KLC1: variants seen among roughly 807,000 people sequenced by gnomAD.
The protein encoded by KLC1 is kinesin light chain 1, also known as kinesin 2 60/70kDa.
Under a neutral mutation model 84.2 loss-of-function variants are expected in KLC1, and 30 were observed. The ratio of observed to expected loss-of-function variants is 0.36; its 90% CI spans 0.27 to 0.48. The LOEUF (loss-of-function observed/expected upper bound fraction) is 0.48, where lower values mean the gene tolerates loss of function less well. Ranked by LOEUF, KLC1 falls within the 20% of genes least tolerant of loss-of-function variation. KLC1 has a pLI of 0.99. For synonymous variants in KLC1, 289 were observed against 293.3 expected, an observed-to-expected ratio of 0.99 and a Z score of 0.15; for missense variants, 499 against 805.4, an observed-to-expected ratio of 0.62 and a Z score of 4.60.
In KLC1 at chr14:103,693,247, A is replaced by G. The variant is rs544382515; in HGVS notation, c.1848+822A>G. Among the ~76,000 whole-genome samples the G allele has an allele frequency of 4.8e-4, 73 of 151,644 alleles. No homozygotes were observed. The highest frequency in any genetic ancestry group is 1.5e-3 in the African/African-American group (64 of 41,332). On this transcript the variant is annotated intron_variant, in intron 15 of 16. Transcript: ENST00000334553. This position sits in a 1 kb window ranked among gnomAD's most constrained non-coding sequence, Gnocchi z 5.1. ...ACTCTTGGGAGGCAGCCATCTCGGG[A>G]AAGCTTTTCCCCAGCCCCCTTCTCG...
chr14:103,629,656 G>A (rs527964425), intron 1 of KLC1, among the ~76,000 whole-genome samples, 162 bp downstream of exon 1: 1 of 131,462 alleles, frequency 7.6e-6, no homozygotes, highest in South Asian at 2.7e-4. Flanking sequence ...CCCGGTACCC[G>A]CCCCAGTTCA....
At chr14:103,698,526 C>G (rs1312892730) in intron 15 of KLC1, 1 of 515,020 alleles carries the variant, frequency 1.9e-6, no homozygotes. Context: ...TGAGAATCAC[C>G]TCTCCCCAAG....
intron 3 of KLC1, among the ~76,000 whole-genome samples, chr14:103,658,753 G>T (rs896772940): frequency 1.9e-4 from 28 of 150,356 alleles, no homozygotes; most frequent in Non-Finnish European, 3.0e-5. Flanking sequence ...CACCTCCCGG[G>T]CTCCAGCGAT....
intron 9 of KLC1, among the ~76,000 whole-genome samples, chr14:103,675,231 A>G (rs1231456195): frequency 1.3e-5 from 2 of 152,158 alleles, no homozygotes; most frequent in African/African-American, 4.8e-5. Context: ...AGGCTGAGGC[A>G]GGAGAGTCAC....
intron 5 of KLC1, among the ~76,000 whole-genome samples, chr14:103,669,209 G>T (rs1161041501): frequency 6.6e-6 from 1 of 151,870 alleles, no homozygotes; most frequent in East Asian, 1.9e-4. Context: ...GGCCTAGGCG[G>T]GTGGATCATG....
chr14:103,673,493 A>G (rs1258139745), intron 9 of KLC1, 62 bp downstream of exon 9: 1 of 985,890 alleles, frequency 1.0e-6, no homozygotes, highest in African/African-American at 1.7e-5. Context: ...TAATAGTAAT[A>G]TACTAATAGT....
At chr14:103,696,091 C>CGGGGGGGGGGGGGGGGGGGGGGGGGGGG in intron 15 of KLC1, 1 of 744,682 alleles carries the variant, frequency 1.3e-6, no homozygotes, top group Non-Finnish European at 1.5e-6. Context: ...ATAATCACTG[C>CGGGGGGGGGGGGGGGGGGGGGGGGGGGG]GCCCCCGCCC....
rs892707788 is a variant in KLC1 at position 103,701,332 on chromosome 14, T to C, written c.*133T>C. ...CTCACTCATTTCTCCTGCGTCTGTGTGCATAGGACATGATACTAATAACCA... is the reference window on the plus strand; with the variant it reads ...CTCACTCATTTCTCCTGCGTCTGTGCGCATAGGACATGATACTAATAACCA... On this transcript the variant is annotated 3_prime_UTR_variant, in exon 17 of 17. Transcript: ENST00000334553. The C allele has an allele frequency of 1.6e-5, 16 of 973,180 alleles. No individual in the cohort carries two copies. Among genetic ancestry groups the C allele is most frequent in the Non-Finnish European group, 2.2e-5 (14 of 650,616 alleles). 60.3% of individuals were successfully genotyped at this position (973,180 alleles called of 1,614,324 possible). A position where few individuals can be genotyped will look rare whatever the true frequency, so the allele number is the denominator to read the frequency against.
intron 3 of KLC1, among the ~76,000 whole-genome samples, chr14:103,659,123 G>T (rs1160571241): frequency 1.3e-5 from 2 of 151,832 alleles, no homozygotes; most frequent in African/African-American, 4.8e-5. Context: ...GATTACAGGT[G>T]CGTACCGCCA....
At chr14:103,661,309 T>TA (rs1352063685) in intron 3 of KLC1, among the ~76,000 whole-genome samples, 18 of 152,190 alleles carry the variant, frequency 1.2e-4, no homozygotes, top group Non-Finnish European at 2.6e-4. Flanking sequence ...CATGTGGCCG[T>TA]CACATCTGTT....
chr14:103,686,047 A>C (rs1420041036), intron 13 of KLC1: 6 of 1,032,614 alleles, frequency 5.8e-6, no homozygotes, highest in South Asian at 3.5e-5. Flanking sequence ...GCTCCGTGGT[A>C]CTTAGAGCCC....
chr14:103,664,453 A>G (rs1037543633), intron 5 of KLC1, among the ~76,000 whole-genome samples: 2 of 152,050 alleles, frequency 1.3e-5, no homozygotes, highest in East Asian at 1.9e-4. Context: ...TGCCTGGCCA[A>G]TTGTTTGCAT....
chr14:103,692,387 C>T lies in KLC1; in HGVS notation c.1810C>T (p.Leu604Phe), dbSNP rs2082172364. Reference sequence around the variant, plus strand: ...GAAGCGTGCCAGCTCTCTGAATGTCCTTAACGTGGGTGGCAAGGCTGCTGA... The same window carrying T: ...GAAGCGTGCCAGCTCTCTGAATGTCTTTAACGTGGGTGGCAAGGCTGCTGA... ...GMKRASSLNV[L>F]NVGGKAAEDR... The change falls in exon 15 of 17, where the codon CTT becomes TTT. Residue 604 changes from leucine to phenylalanine, a missense_variant. By Grantham distance (22) the Leu-to-Phe change is conservative (BLOSUM62 0). Around this residue, in one of 3 missense-constraint regions of KLC1, gnomAD observed 167 missense variants for 208.8 expected, o/e 0.80. Transcript: ENST00000334553. 1 of 1,536,688 alleles carries T rather than the reference C, an allele frequency of 6.5e-7. No individual in the cohort carries two copies.
At chr14:103,677,602 A>C in intron 12 of KLC1, 79 bp downstream of exon 12, 1 of 818,062 alleles carries the variant, frequency 1.2e-6, no homozygotes, top group Non-Finnish European at 2.1e-6. Context: ...TTTTATTGAA[A>C]GCTTGATTTA....
At chr14:103,631,274 G>A (rs1411555745) in intron 1 of KLC1, among the ~76,000 whole-genome samples, 1 of 152,088 alleles carries the variant, frequency 6.6e-6, no homozygotes, top group Non-Finnish European at 1.5e-5. Context: ...TAGAGATGGG[G>A]TTTCAACATG....
chr14:103,640,175 C>T (rs2077374731), intron 1 of KLC1, among the ~76,000 whole-genome samples: 1 of 152,168 alleles, frequency 6.6e-6, no homozygotes, highest in Admixed American at 6.6e-5. Context: ...ATTCTACTGC[C>T]TCACCCTCCC....
intron 3 of KLC1, among the ~76,000 whole-genome samples, chr14:103,660,893 T>A (rs929127666): frequency 6.6e-6 from 1 of 152,208 alleles, no homozygotes; most frequent in African/African-American, 2.4e-5. Context: ...ATGCCAGCAG[T>A]GATTGACCTG....
chr14:103,637,390 C>T (rs945292115), intron 1 of KLC1, among the ~76,000 whole-genome samples: 1 of 151,784 alleles, frequency 6.6e-6, no homozygotes, highest in Non-Finnish European at 1.5e-5. Flanking sequence ...ATTCGCCAGG[C>T]GTGGTGGTGT....
chr14:103,698,965 G>C, intron 15 of KLC1: 3 of 1,600,814 alleles, frequency 1.9e-6, no homozygotes, highest in Non-Finnish European at 2.6e-6. Flanking sequence ...CTCACCAGGA[G>C]CTGGTTAGCC....
Sources: gnomAD v4.1 joint callset for allele counts (sites outside exome capture counted in the v4.1 genomes callset) on GRCh38, gnomAD v4.1.1 for gene constraint, gnomAD v4.1.1 regional missense constraint, Gnocchi (gnomAD v3.1) non-coding constraint, MANE v1.5 for transcripts, NCBI Gene and HGNC (gene_info 2026-07-23, HGNC 2026-07-21) for gene names.